DPP6: variants seen among roughly 807,000 people sequenced by gnomAD.
The protein encoded by DPP6 is dipeptidyl peptidase like 6.
DPP6 carries 69 observed loss-of-function variants against 122.6 expected under a neutral mutation model. The observed-to-expected ratio is 0.56, with a 90% confidence interval of 0.46 to 0.69. The LOEUF is 0.69. DPP6 is among the 30% of genes least tolerant of loss of function. The pLI, the probability that DPP6 is intolerant of heterozygous loss-of-function variation, is 0.00. For missense variants in DPP6, 928 were observed against 1,116.9 expected (o/e 0.83, Z 2.41); for synonymous variants, 418 against 433.1 (o/e 0.97, Z 0.43).
At position 154,875,424 on chromosome 7, in the gene DPP6, G is replaced by T. The variant is rs902924233; in HGVS notation, c.1884-482G>T. Reference sequence around the variant, plus strand: ...AGGCCACCCATATGGCGGGTTTGCTGTTACTTCCGACTTAACAAGAGACAG... The same window carrying T: ...AGGCCACCCATATGGCGGGTTTGCTTTTACTTCCGACTTAACAAGAGACAG... On this transcript the variant is annotated intron_variant, in intron 19 of 25. Coordinates refer to ENST00000377770, the MANE Select transcript of DPP6 (RefSeq NM_130797.4). This position sits in a 1 kb window ranked among gnomAD's most constrained non-coding sequence, Gnocchi z 4.5. 6.6e-6 allele frequency among the ~76,000 whole-genome samples: 1 copy of T among 152,218 alleles called. No individual in the cohort carries two copies. Among genetic ancestry groups the T allele is most frequent in the Non-Finnish European group, 1.5e-5 (1 of 68,036 alleles).
chr7:153,862,905 C>T, the DPP6 span, among the ~76,000 whole-genome samples: 1 of 151,834 alleles, frequency 6.6e-6, no homozygotes, highest in Non-Finnish European at 1.5e-5. Flanking sequence ...CAAAAAAAAT[C>T]ATGCAAATCA....
rs78076607 is a variant in DPP6 at position 154,332,580 on chromosome 7, G to A, written c.244-113634G>A. On this transcript the variant is annotated intron_variant, in intron 1 of 25. Coordinates refer to ENST00000377770, the MANE Select transcript of DPP6 (RefSeq NM_130797.4). Reference sequence around the variant, plus strand: ...CACACATGGTGTGTCTGTCCATTAGGAGGAAAGTGCCAGCGCATTTGCCAA... The same window carrying A: ...CACACATGGTGTGTCTGTCCATTAGAAGGAAAGTGCCAGCGCATTTGCCAA... Among the ~76,000 whole-genome samples the A allele has an allele frequency of 5.3e-3, 801 of 152,306 alleles. 4 individuals carry two copies. Among genetic ancestry groups the A allele is most frequent in the South Asian group, 0.023 (112 of 4,822 alleles).
At chr7:154,368,976 G>T (rs13234661) in intron 1 of DPP6, among the ~76,000 whole-genome samples, 2 of 152,128 alleles carry the variant, frequency 1.3e-5, no homozygotes, top group Non-Finnish European at 2.9e-5. Context: ...GGCCAGCCAG[G>T]TATGAAGGTG....
rs59265547 is a variant in DPP6, at chr7:153,906,124, G to C, written c.51+18390G>C. On this transcript the variant is annotated intron_variant, in intron 1 of 25. Transcript: ENST00000404039. ...TCAAGATAGAAGAGATATATTGTAG[G>C]TTTCTGTTAAATTAATGGCAAATAC... Among the ~76,000 whole-genome samples, 69 of 152,316 alleles carry C rather than the reference G, an allele frequency of 4.5e-4. 1 individual carries two copies. The East Asian group carries it at 7.9e-3, about 17-fold the overall frequency.
intron 3 of DPP6, among the ~76,000 whole-genome samples, chr7:154,499,150 G>A (rs1327005267): frequency 6.6e-6 from 1 of 152,144 alleles, no homozygotes; most frequent in Non-Finnish European, 1.5e-5. Flanking sequence ...CCAACATTAG[G>A]GTTCTGAGGA....
At chr7:154,266,929 G>A (rs562295269) in intron 1 of DPP6, among the ~76,000 whole-genome samples, 52 of 152,234 alleles carry the variant, frequency 3.4e-4, no homozygotes, top group African/African-American at 1.2e-3. Flanking sequence ...AACCTTGTCA[G>A]GTTTTGATAT....
At chr7:153,786,897 G>A in the DPP6 span, among the ~76,000 whole-genome samples, 1 of 146,572 alleles carries the variant, frequency 6.8e-6, no homozygotes, top group African/African-American at 2.5e-5. Flanking sequence ...TTCTAGAAAT[G>A]AATTTAGCAC....
At chr7:154,664,870 C>T (rs1838049723) in intron 6 of DPP6, among the ~76,000 whole-genome samples, 1 of 152,142 alleles carries the variant, frequency 6.6e-6, no homozygotes, top group South Asian at 2.1e-4. Flanking sequence ...GTCACCACTC[C>T]TAGTGATAGC....
At chr7:154,844,649 C>T (rs553553292) in intron 16 of DPP6, among the ~76,000 whole-genome samples, 63 of 152,316 alleles carry the variant, frequency 4.1e-4, no homozygotes, top group Admixed American at 8.5e-4. Context: ...GGGCATGCAT[C>T]CCCTGGGCCA....
intron 1 of DPP6, among the ~76,000 whole-genome samples, chr7:153,991,019 G>A (rs1393093763): frequency 6.6e-6 from 1 of 152,244 alleles, no homozygotes; most frequent in Admixed American, 6.5e-5. Context: ...AGTCCTCGTG[G>A]TTAGAGGATA....
intron 7 of DPP6, among the ~76,000 whole-genome samples, chr7:154,684,604 T>C (rs1839487447): frequency 2.0e-5 from 3 of 152,240 alleles, no homozygotes; most frequent in Admixed American, 2.0e-4. Flanking sequence ...CCCTGTGGCA[T>C]CCTCCTTTAA....
Position 154,559,945 on chromosome 7 carries a change from T to TATATATAA in DPP6, c.553-6896_553-6895insTATATAAA, listed in dbSNP as rs1328896198. On this transcript the variant is annotated intron_variant, in intron 4 of 25. Transcript: ENST00000377770. ...ATATATAGATATATATATAAAGATATAGATATATATAAGATATATATAAAG... is the reference window on the plus strand; with the variant it reads ...ATATATAGATATATATATAAAGATATATATATAAAGATATATATAAGATATATATAAAG... 5.7e-5 allele frequency among the ~76,000 whole-genome samples: 8 copies of TATATATAA among 140,968 alleles called. No homozygotes were observed. The East Asian group carries it at 8.3e-4, about 15-fold the overall frequency. 92.5% of individuals were successfully genotyped at this position (140,968 alleles called of 152,430 possible). A position where few individuals can be genotyped will look rare whatever the true frequency, so the allele number is the denominator to read the frequency against.
intron 6 of DPP6, among the ~76,000 whole-genome samples, chr7:154,666,120 T>C (rs988199666): frequency 4.0e-5 from 6 of 151,808 alleles, no homozygotes; most frequent in Non-Finnish European, 8.8e-5. Flanking sequence ...TTCATATATA[T>C]TCTCATATCC....
intron 1 of DPP6, among the ~76,000 whole-genome samples, chr7:154,023,318 GCACACACACACACACACACACA>G (rs1554436897): frequency 3.9e-5 from 5 of 129,618 alleles, no homozygotes; most frequent in East Asian, 2.4e-4. Context: ...TTTCTTGTCT[GCACACACACACACACACACACA>G]CACACACACA....
At chr7:153,921,548 A>G (rs140287818) in intron 1 of DPP6, among the ~76,000 whole-genome samples, 10 of 152,238 alleles carry the variant, frequency 6.6e-5, no homozygotes, top group Non-Finnish European at 1.5e-4. Flanking sequence ...CGTTTGATCC[A>G]GTAAAGTGTG....
chr7:153,829,968 C>T, the DPP6 span, among the ~76,000 whole-genome samples: 7 of 152,252 alleles, frequency 4.6e-5, no homozygotes, highest in East Asian at 9.7e-4. Flanking sequence ...CAGGCAGCCA[C>T]GAGGAGGGAA....
At chr7:154,038,195 C>G (rs374530468) in intron 1 of DPP6, among the ~76,000 whole-genome samples, 1 of 148,876 alleles carries the variant, frequency 6.7e-6, no homozygotes, top group East Asian at 1.9e-4. Flanking sequence ...TTGCCCATCT[C>G]GAGTGTTCCA....
intron 18 of DPP6, among the ~76,000 whole-genome samples, chr7:154,869,226 G>A (rs73487816): frequency 0.017 from 2,631 of 152,188 alleles, 83 homozygotes; most frequent in African/African-American, 0.06. Flanking sequence ...GCAGCGTGTC[G>A]CCTGGAGCCT....
At chr7:154,476,144 C>T (rs10237167) in intron 3 of DPP6, among the ~76,000 whole-genome samples, 57,967 of 151,764 alleles carry the variant, frequency 0.38, 11,832 homozygotes, top group African/African-American at 0.51. Flanking sequence ...ACTTTTCTTT[C>T]GTCCTCTATT....
Sources: allele counts gnomAD v4.1 joint callset (sites outside exome capture counted in the v4.1 genomes callset), GRCh38; gene constraint gnomAD v4.1.1; non-coding constraint Gnocchi (gnomAD v3.1); transcripts MANE v1.5; gene names NCBI Gene and HGNC (gene_info 2026-07-23, HGNC 2026-07-21).